The following RNF14 variants were observed in gnomAD, a reference collection of about 807,000 sequenced individuals.
RNF14 encodes the protein E3 ubiquitin-protein ligase RNF14.
In RNF14, 26 loss-of-function variants were observed where a neutral mutation model predicts 52.6. That is an observed-to-expected ratio of 0.49 (90% CI 0.36 to 0.69). RNF14 has a LOEUF of 0.69. RNF14 is among the 30% of genes least tolerant of loss of function. The pLI is 0.00. For synonymous variants in RNF14, 194 were observed against 202.0 expected, an observed-to-expected ratio of 0.96 and a Z score of 0.34; for missense variants, 404 against 560.4, an observed-to-expected ratio of 0.72 and a Z score of 2.82.
chr5:141,967,456 T>C (rs965311241), upstream of RNF14, among the ~76,000 whole-genome samples: 1 of 152,182 alleles, frequency 6.6e-6, no homozygotes, highest in Non-Finnish European at 1.5e-5. Context: ...TTTGTAGTCT[T>C]TTATCCTTCG....
chr5:141,965,324 C>G (rs542130723), upstream of RNF14, among the ~76,000 whole-genome samples: 1 of 152,174 alleles, frequency 6.6e-6, no homozygotes, highest in African/African-American at 2.4e-5. Flanking sequence ...TTGTGACTCA[C>G]TTCTACTCTC....
At chr5:141,954,743 C>T (rs994615358), upstream of RNF14, among the ~76,000 whole-genome samples, 2 of 152,228 alleles carry the variant, frequency 1.3e-5, no homozygotes, top group Non-Finnish European at 2.9e-5. Context: ...CTCTAATTTA[C>T]AGATAAGACA....
intron 6 of RNF14, among the ~76,000 whole-genome samples, 153 bp downstream of exon 6, chr5:141,980,504 A>G (rs1754673310): frequency 6.6e-6 from 1 of 152,256 alleles, no homozygotes. Context: ...TTGGGGCTGT[A>G]GTAGTGACCA....
chr5:141,971,650 T>C (rs199762355), intron 2 of RNF14, among the ~76,000 whole-genome samples: 1 of 24,258 alleles, frequency 4.1e-5, no homozygotes, highest in African/African-American at 8.0e-5. Context: ...TTTTTTTTTT[T>C]TTTTTTTTGG....
intron 4 of RNF14, 114 bp downstream of exon 4, chr5:141,975,069 G>C: frequency 8.6e-7 from 1 of 1,165,094 alleles, no homozygotes; most frequent in Non-Finnish European, 1.2e-6. Flanking sequence ...AATGGCTTTG[G>C]TTTTGTAATT....
chr5:141,986,725 A>G lies in RNF14; in HGVS notation c.1368-1008A>G, dbSNP rs551943216. 2.0e-5 allele frequency among the ~76,000 whole-genome samples: 3 copies of G among 152,358 alleles called. No homozygotes were observed. The South Asian group carries it at 6.2e-4, about 32-fold the overall frequency. On this transcript the variant is annotated intron_variant, in intron 8 of 8. Coordinates refer to ENST00000394520, the MANE Select transcript of RNF14 (RefSeq NM_004290.5). ...AGGTTGGGAAGCATAGCCTTCAGCC[A>G]GAAGCTGGAAACAGACACTCTAAGG...
chr5:141,973,037 G>T (rs544772642), intron 2 of RNF14, among the ~76,000 whole-genome samples: 12 of 152,158 alleles, frequency 7.9e-5, no homozygotes, highest in African/African-American at 2.9e-4. Flanking sequence ...CTCTAATTCA[G>T]TCATAAAATA....
upstream of RNF14, chr5:141,954,849 A>G (rs1753146624): frequency 3.9e-6 from 5 of 1,290,818 alleles, no homozygotes; most frequent in Non-Finnish European, 5.3e-6. Context: ...TACCCAAAGC[A>G]TCAGAAAGTG....
chr5:141,949,504 C>A, the RNF14 span: 3 of 1,614,162 alleles, frequency 1.9e-6, no homozygotes, highest in Non-Finnish European at 2.5e-6. Flanking sequence ...TCTTCAGGAT[C>A]CAAAGGCCCT....
At chr5:141,976,427 G>A (rs1754260420) in intron 4 of RNF14, among the ~76,000 whole-genome samples, 1 of 152,216 alleles carries the variant, frequency 6.6e-6, no homozygotes. Context: ...GGGGGCGGAG[G>A]TGTGTGCTGG....
chr5:141,960,012 G>A (rs916107568), intron 1 of RNF14, among the ~76,000 whole-genome samples: 3 of 152,224 alleles, frequency 2.0e-5, no homozygotes, highest in African/African-American at 7.2e-5. Context: ...ATACGCAAAT[G>A]GCAAAGATGG....
At chr5:141,978,944 C>T in intron 5 of RNF14, 114 bp downstream of exon 5, 1 of 1,118,232 alleles carries the variant, frequency 8.9e-7, no homozygotes, top group South Asian at 1.5e-5. Flanking sequence ...TTGGAGCCAG[C>T]CCACAAGTTG....
chr5:141,985,633 G>A (rs1755168224), intron 8 of RNF14, among the ~76,000 whole-genome samples: 1 of 152,022 alleles, frequency 6.6e-6, no homozygotes, highest in Non-Finnish European at 1.5e-5. Flanking sequence ...TCGGCTCACT[G>A]CAAGCTCCGC....
chr5:141,971,627 C>T (rs1753786659), intron 2 of RNF14, among the ~76,000 whole-genome samples: 16 of 73,784 alleles, frequency 2.2e-4, no homozygotes, highest in South Asian at 5.8e-4. Flanking sequence ...TTTCTTCTTT[C>T]TTTCTTTCCT....
upstream of RNF14, chr5:141,957,215 C>T: frequency 6.2e-7 from 1 of 1,614,112 alleles, no homozygotes; most frequent in Non-Finnish European, 8.5e-7. The surrounding 1 kb of genome is among the most constrained non-coding windows in gnomAD (Gnocchi z 4.3). Flanking sequence ...GCAGTTAACA[C>T]CAGATCAAAA....
At chr5:141,956,459 A>G, upstream of RNF14, 1 of 1,614,212 alleles carries the variant, frequency 6.2e-7, no homozygotes, top group South Asian at 1.1e-5. Flanking sequence ...GAGACTTCAT[A>G]CCTGCTTTTC....
At chr5:141,977,760 T>C (rs868119060) in intron 4 of RNF14, among the ~76,000 whole-genome samples, 39 of 152,252 alleles carry the variant, frequency 2.6e-4, no homozygotes, top group African/African-American at 8.9e-4. Flanking sequence ...GACTCTGAGG[T>C]TGAATTCTGT....
At chr5:141,980,686 CAG>C (rs35025341) in intron 6 of RNF14, among the ~76,000 whole-genome samples, 113,917 of 151,940 alleles carry the variant, frequency 0.75, 42,978 homozygotes, top group East Asian at 0.98. Flanking sequence ...TTAGGGAAAA[CAG>C]GGGAGGCCTC....
chr5:141,957,165 CA>C, upstream of RNF14: 1 of 1,614,166 alleles, frequency 6.2e-7, no homozygotes, highest in Non-Finnish European at 8.5e-7. The surrounding 1 kb of genome is among the most constrained non-coding windows in gnomAD (Gnocchi z 4.3). Flanking sequence ...TGACCTTGAC[CA>C]AGCTGGTACC....
Sources: gnomAD v4.1 joint callset for allele counts (sites outside exome capture counted in the v4.1 genomes callset) on GRCh38, gnomAD v4.1.1 for gene constraint, Gnocchi (gnomAD v3.1) non-coding constraint, MANE v1.5 for transcripts, NCBI Gene and HGNC (gene_info 2026-07-23, HGNC 2026-07-21) for gene names.